The following WDPCP variants were observed in gnomAD, a reference collection of about 807,000 sequenced individuals.
The protein encoded by WDPCP is WD repeat-containing and planar cell polarity effector protein fritz homolog.
WDPCP carries 71 observed loss-of-function variants against 93.1 expected under a neutral mutation model. That is an observed-to-expected ratio of 0.76 (90% CI 0.63 to 0.93). The LOEUF is 0.93. WDPCP is among the 40% of genes least tolerant of loss of function. WDPCP has a pLI of 0.00. For missense variants in WDPCP, 844 were observed against 887.4 expected (o/e 0.95, Z 0.62); for synonymous variants, 315 against 315.0 (o/e 1.00, Z 0.00).
chr2:63,321,368 T>C (rs1467700916), intron 12 of WDPCP, among the ~76,000 whole-genome samples: 2 of 151,064 alleles, frequency 1.3e-5, no homozygotes, highest in African/African-American at 4.9e-5. Context: ...TTTGTGTGTA[T>C]AGACATATAT....
chr2:63,598,678 A>G (rs1473734396), intron 3 of WDPCP, among the ~76,000 whole-genome samples: 3 of 152,154 alleles, frequency 2.0e-5, no homozygotes, highest in Non-Finnish European at 4.4e-5. Context: ...CTGTCATCAC[A>G]GAAAATAGTA....
intron 2 of WDPCP, among the ~76,000 whole-genome samples, chr2:63,487,717 A>G (rs1700650697): frequency 6.6e-6 from 1 of 152,086 alleles, no homozygotes; most frequent in African/African-American, 2.4e-5. Flanking sequence ...GATTTACACA[A>G]AACTAGAATG....
intron 2 of WDPCP, chr2:63,752,078 C>T: frequency 1.6e-6 from 1 of 607,442 alleles, no homozygotes; most frequent in South Asian, 1.6e-5. Context: ...GCACTATCCA[C>T]CTCTTGTTTT....
chr2:63,418,633 A>C (rs1695607282), intron 9 of WDPCP, among the ~76,000 whole-genome samples: 1 of 152,192 alleles, frequency 6.6e-6, no homozygotes, highest in Admixed American at 6.5e-5. Context: ...GGAACTGGTC[A>C]TTAGAATTCA....
At chr2:63,362,798 G>A (rs903571003) in intron 12 of WDPCP, among the ~76,000 whole-genome samples, 2 of 151,958 alleles carry the variant, frequency 1.3e-5, no homozygotes, top group Non-Finnish European at 2.9e-5. Context: ...CTAAGTAGCT[G>A]GAACTACCAT....
intron 13 of WDPCP, among the ~76,000 whole-genome samples, chr2:63,303,507 G>A (rs1226283997): frequency 3.3e-5 from 5 of 152,154 alleles, no homozygotes; most frequent in Non-Finnish European, 5.9e-5. Context: ...TGTAGGTCAA[G>A]TAAGACAGCA....
intron 17 of WDPCP, 109 bp downstream of exon 17, chr2:63,152,805 A>T (rs758120682): frequency 1.3e-4 from 132 of 1,009,494 alleles, no homozygotes; most frequent in Non-Finnish European, 1.9e-4. Flanking sequence ...AATGTAGTCC[A>T]GTTAATGTAG....
chr2:63,410,045 G>A (rs988653444), intron 9 of WDPCP, among the ~76,000 whole-genome samples: 2 of 152,128 alleles, frequency 1.3e-5, no homozygotes, highest in Non-Finnish European at 2.9e-5. Flanking sequence ...GAAATTCATC[G>A]CAAAAAGATC....
intron 14 of WDPCP, among the ~76,000 whole-genome samples, chr2:63,217,753 C>T (rs548639814): frequency 2.3e-4 from 35 of 152,232 alleles, no homozygotes; most frequent in African/African-American, 7.7e-4. Flanking sequence ...GAAATTTGAA[C>T]TATTAGCTTT....
At chr2:63,296,091 C>T (rs1050215156) in intron 13 of WDPCP, among the ~76,000 whole-genome samples, 5 of 151,742 alleles carry the variant, frequency 3.3e-5, no homozygotes, top group East Asian at 1.9e-4. Flanking sequence ...AGGTAACTCA[C>T]GATTAAGTGG....
intron 6 of WDPCP, among the ~76,000 whole-genome samples, chr2:63,483,265 C>T (rs574168068): frequency 3.9e-5 from 6 of 151,976 alleles, no homozygotes; most frequent in African/African-American, 1.4e-4. Flanking sequence ...TTAAAAACTA[C>T]AAGTTTGGTA....
intron 2 of WDPCP, among the ~76,000 whole-genome samples, chr2:63,734,910 T>TAGAC (rs1190230795): frequency 1.6e-5 from 2 of 124,164 alleles, no homozygotes; most frequent in African/African-American, 2.7e-5. Flanking sequence ...GACAGACAGA[T>TAGAC]AGATAGATGA....
At chr2:63,265,277 T>C (rs1681999973) in intron 13 of WDPCP, among the ~76,000 whole-genome samples, 1 of 152,140 alleles carries the variant, frequency 6.6e-6, no homozygotes, top group East Asian at 1.9e-4. Context: ...CTGACTAAAC[T>C]TTTGGTAAAC....
intron 1 of WDPCP, among the ~76,000 whole-genome samples, chr2:63,523,002 C>A (rs891393441): frequency 4.3e-4 from 65 of 152,144 alleles, no homozygotes; most frequent in South Asian, 2.1e-4. Context: ...GAGACACACA[C>A]AAAAAAGAAA....
At chr2:63,348,114 T>G (rs961705123) in intron 12 of WDPCP, among the ~76,000 whole-genome samples, 4 of 152,322 alleles carry the variant, frequency 2.6e-5, no homozygotes, top group African/African-American at 7.2e-5. Context: ...TAATACATGC[T>G]AGTCACTTTA....
intron 13 of WDPCP, among the ~76,000 whole-genome samples, chr2:63,294,508 G>GAA (rs59228476): frequency 1.9e-3 from 90 of 48,252 alleles, no homozygotes; most frequent in Non-Finnish European, 2.9e-3. Context: ...AGACTGTTTC[G>GAA]AAAAAAAAAA....
chr2:63,536,679 A>G (rs1704301567), intron 1 of WDPCP, among the ~76,000 whole-genome samples: 1 of 152,024 alleles, frequency 6.6e-6, no homozygotes, highest in Non-Finnish European at 1.5e-5. Context: ...GCATCAGAAC[A>G]TAAGACGGAT....
intron 2 of WDPCP, among the ~76,000 whole-genome samples, chr2:63,771,764 A>G (rs1670230204): frequency 6.6e-6 from 1 of 151,824 alleles, no homozygotes; most frequent in Non-Finnish European, 1.5e-5. Context: ...TGTGTACCCA[A>G]TGTTTAGCTC....
At chr2:63,337,302 G>A (rs1330919651) in intron 12 of WDPCP, among the ~76,000 whole-genome samples, 5 of 133,450 alleles carry the variant, frequency 3.7e-5, no homozygotes, top group East Asian at 2.4e-4. Flanking sequence ...CATCCACGTC[G>A]TAGCAAGTGA....
Sources: allele counts gnomAD v4.1 joint callset (sites outside exome capture counted in the v4.1 genomes callset), GRCh38; gene constraint gnomAD v4.1.1; transcripts MANE v1.5; gene names NCBI Gene and HGNC (gene_info 2026-07-23, HGNC 2026-07-21).